The following MYOM1 variants were observed in gnomAD, a reference collection of about 807,000 sequenced individuals.
MYOM1 encodes the protein myomesin-1.
In MYOM1, 164 loss-of-function variants were observed where a neutral mutation model predicts 205.3. The observed-to-expected ratio is 0.80, with a 90% CI of 0.70 to 0.91. MYOM1 has a LOEUF of 0.91. Among genes scored for constraint, MYOM1 ranks in the 40% least tolerant of loss-of-function variants. The pLI, the probability that MYOM1 is intolerant of heterozygous loss-of-function variation, is 0.00. For missense variants in MYOM1, 2,011 were observed against 2,127.3 expected (o/e 0.95, Z 1.08); for synonymous variants, 772 against 789.4 (o/e 0.98, Z 0.37).
intron 25 of MYOM1, among the ~76,000 whole-genome samples, chr18:3,098,381 A>G (rs2079333482): frequency 6.6e-6 from 1 of 152,040 alleles, no homozygotes; most frequent in Admixed American, 6.5e-5. Context: ...GGGTTCAAGC[A>G]ATTATCCTGC....
chr18:3,075,444 G>T lies in MYOM1; in HGVS notation c.4708+10C>A. On this transcript the variant is annotated intron_variant, in intron 36 of 37. Transcript: ENST00000356443. ...AGTACTTGTGAAAAGTAAAAAAAAAGTTTACTTACTTTTCTCGGCAATGGC... is the reference window on the plus strand; with the variant it reads ...AGTACTTGTGAAAAGTAAAAAAAAATTTTACTTACTTTTCTCGGCAATGGC... The T allele has an allele frequency of 6.2e-7, 1 of 1,610,446 alleles. No homozygotes were observed. Among genetic ancestry groups the T allele is most frequent in the South Asian group, 1.1e-5 (1 of 90,762 alleles).
the MYOM1 span, chr18:3,246,972 C>A: frequency 6.6e-6 from 1 of 152,182 alleles, no homozygotes; most frequent in East Asian, 1.9e-4. Flanking sequence ...GAGAAATAGG[C>A]CCAAGTTTTG....
chr18:3,230,931 G>C, the MYOM1 span, among the ~76,000 whole-genome samples: 1 of 152,214 alleles, frequency 6.6e-6, no homozygotes, highest in Non-Finnish European at 1.5e-5. Context: ...GGCTCAGAGA[G>C]GTTAGGCAAG....
the MYOM1 span, among the ~76,000 whole-genome samples, chr18:3,233,499 C>T: frequency 6.6e-6 from 1 of 152,172 alleles, no homozygotes; most frequent in Non-Finnish European, 1.5e-5. Context: ...AACTGTGTAG[C>T]ACATGGCAGG....
In MYOM1 at chr18:3,094,150, C is replaced by A; in HGVS notation, c.3864+20G>T. On this transcript the variant is annotated intron_variant, in intron 26 of 37. Transcript: ENST00000356443. ...ATTCTACAATGATACATTAAAAAGT[C>A]TAAACAGTGTAAAACCTACCGGGCC... 1 of 1,612,680 alleles carries A rather than the reference C, an allele frequency of 6.2e-7. No homozygotes were observed. Among genetic ancestry groups the A allele is most frequent in the South Asian group, 1.1e-5 (1 of 90,914 alleles).
rs186460099 is a variant in MYOM1 at position 3,193,076 on chromosome 18, C to T, written c.431+742G>A. 8.5e-4 allele frequency among the ~76,000 whole-genome samples: 129 copies of T among 151,818 alleles called. 1 individual carries two copies. The highest frequency in any genetic ancestry group is 7.8e-4 in the East Asian group (4 of 5,146). ...TTGAGCCCAGGAGTTCAAGACCAACCTGGGCGATATAGTGAGACCCCATCA... is the reference window on the plus strand; with the variant it reads ...TTGAGCCCAGGAGTTCAAGACCAACTTGGGCGATATAGTGAGACCCCATCA... On this transcript the variant is annotated intron_variant, in intron 3 of 37. Coordinates refer to ENST00000356443, the MANE Select transcript of MYOM1 (RefSeq NM_003803.4).
intron 5 of MYOM1, among the ~76,000 whole-genome samples, chr18:3,180,841 G>C (rs1382021319): frequency 6.6e-6 from 1 of 151,966 alleles, no homozygotes; most frequent in Non-Finnish European, 1.5e-5. Context: ...CACAGTAAAA[G>C]CTCTTTGGCA....
chr18:3,111,593 G>GA (rs1298626845), intron 22 of MYOM1, among the ~76,000 whole-genome samples: 1 of 152,010 alleles, frequency 6.6e-6, no homozygotes, highest in African/African-American at 2.4e-5. Flanking sequence ...TTAAATAGTT[G>GA]AAAAAATTGA....
intron 13 of MYOM1, among the ~76,000 whole-genome samples, chr18:3,145,968 A>T (rs1342157628): frequency 6.6e-6 from 1 of 152,092 alleles, no homozygotes; most frequent in East Asian, 1.9e-4. Flanking sequence ...TAAAAGGATA[A>T]TAAGAAAATA....
chr18:3,147,579 C>T (rs2080148327), intron 13 of MYOM1, among the ~76,000 whole-genome samples: 1 of 151,708 alleles, frequency 6.6e-6, no homozygotes, highest in African/African-American at 2.4e-5. Context: ...TTTGAAGATG[C>T]TAAAATTTAT....
intron 29 of MYOM1, among the ~76,000 whole-genome samples, chr18:3,088,666 AT>A (rs576079075): frequency 6.6e-6 from 1 of 151,826 alleles, no homozygotes; most frequent in African/African-American, 2.4e-5. Context: ...GCTGTATAGA[AT>A]TTTTTTTTCC....
chr18:3,203,741 T>C (rs528947052), intron 2 of MYOM1, among the ~76,000 whole-genome samples: 6 of 151,264 alleles, frequency 4.0e-5, no homozygotes, highest in African/African-American at 1.5e-4. Context: ...TTTTTTTTTT[T>C]CCAAAAATAG....
chr18:3,110,730 T>G (rs2079513727), intron 22 of MYOM1, among the ~76,000 whole-genome samples: 1 of 50,732 alleles, frequency 2.0e-5, no homozygotes, highest in African/African-American at 7.6e-5. Context: ...CCTAAGAGAT[T>G]CTTTTTTTTC....
At chr18:3,226,717 G>A in the MYOM1 span, among the ~76,000 whole-genome samples, 1 of 152,082 alleles carries the variant, frequency 6.6e-6, no homozygotes, top group Non-Finnish European at 1.5e-5. This position sits in a 1 kb window ranked among gnomAD's most constrained non-coding sequence, Gnocchi z 4.6. Context: ...TGGTAGGAGC[G>A]GGATCTCTAT....
At chr18:3,081,747 AG>A (rs2079088568) in intron 33 of MYOM1, among the ~76,000 whole-genome samples, 1 of 152,252 alleles carries the variant, frequency 6.6e-6, no homozygotes, top group Admixed American at 6.5e-5. Context: ...AACAGAACAA[AG>A]GAATAAGCCC....
chr18:3,105,524 G>A (rs1461367692), intron 22 of MYOM1, among the ~76,000 whole-genome samples: 3 of 152,066 alleles, frequency 2.0e-5, no homozygotes, highest in South Asian at 2.1e-4. Flanking sequence ...GTTTTTGAAT[G>A]GCCAAATTTG....
chr18:3,108,667 A>G (rs2079483275), intron 22 of MYOM1, among the ~76,000 whole-genome samples: 1 of 151,848 alleles, frequency 6.6e-6, no homozygotes, highest in Non-Finnish European at 1.5e-5. Flanking sequence ...CAGTCTCCCA[A>G]GTAGCTGGGA....
intron 10 of MYOM1, among the ~76,000 whole-genome samples, chr18:3,156,901 G>A (rs1034054245): frequency 1.3e-5 from 2 of 152,170 alleles, no homozygotes; most frequent in Admixed American, 6.5e-5. Flanking sequence ...GAGCCACCGC[G>A]CCCGGCGAGA....
chr18:3,168,952 G>A lies in MYOM1; in HGVS notation c.1204C>T (p.Arg402Trp), dbSNP rs371754365. 288 of 1,612,908 alleles carry A rather than the reference G, an allele frequency of 1.8e-4. No individual in the cohort carries two copies. Among genetic ancestry groups the A allele is most frequent in the African/African-American group, 2.7e-4 (20 of 74,784 alleles). The change falls in exon 9 of 38, where the codon CGG (arginine) becomes TGG (tryptophan). Residue 402 changes from arginine to tryptophan, a missense_variant. Arg to Trp is a moderately radical substitution (Grantham distance 101). Coordinates refer to ENST00000356443, the MANE Select transcript of MYOM1 (RefSeq NM_003803.4). ...FGVTPYGYAS[R>W]FEIHFDDKFD... ...TTGTCATCAAAGTGGATCTCAAACC[G>A]GGATGCATAACCATATGGGGTCACA...
Sources: allele counts gnomAD v4.1 joint callset (sites outside exome capture counted in the v4.1 genomes callset), GRCh38; gene constraint gnomAD v4.1.1; non-coding constraint Gnocchi (gnomAD v3.1); transcripts MANE v1.5; gene names NCBI Gene and HGNC (gene_info 2026-07-23, HGNC 2026-07-21).